Variants in CSMD1 observed in about 807,000 individuals in gnomAD.
CSMD1 encodes the protein CUB and sushi domain-containing protein 1.
In CSMD1, 213 loss-of-function variants were observed where a neutral mutation model predicts 417.5. The observed-to-expected ratio is 0.51, with a 90% CI of 0.46 to 0.57. The LOEUF is 0.57. Ranked by LOEUF, CSMD1 falls within the 20% of genes least tolerant of loss-of-function variation. The probability of loss-of-function intolerance (pLI) is 0.00; values close to 1 mark genes in which losing one functional copy is unlikely to be tolerated. For synonymous variants in CSMD1, 2,862 were observed against 1,736.8 expected, an observed-to-expected ratio of 1.65 and a Z score of -16.11; for missense variants, 6,923 against 4,529.7, an observed-to-expected ratio of 1.53 and a Z score of -15.17.
chr8:4,414,885 G>A (rs1437270942), intron 3 of CSMD1, among the ~76,000 whole-genome samples: 2 of 152,020 alleles, frequency 1.3e-5, no homozygotes, highest in Non-Finnish European at 2.9e-5. Flanking sequence ...GCCATCTACT[G>A]GCTTCCATTA....
intron 3 of CSMD1, among the ~76,000 whole-genome samples, chr8:4,205,375 A>T (rs895015176): frequency 5.9e-5 from 9 of 152,242 alleles, no homozygotes; most frequent in African/African-American, 2.2e-4. Flanking sequence ...AAAAAGTGTG[A>T]ACAATTTTTT....
At chr8:2,942,244 G>T (rs930642623) in intron 69 of CSMD1, among the ~76,000 whole-genome samples, 1 of 151,842 alleles carries the variant, frequency 6.6e-6, no homozygotes, top group African/African-American at 2.4e-5. Context: ...TGAGTGATGG[G>T]TTGATCCATG....
At chr8:4,244,757 G>A (rs1318666670) in intron 3 of CSMD1, among the ~76,000 whole-genome samples, 2 of 152,048 alleles carry the variant, frequency 1.3e-5, no homozygotes, top group Non-Finnish European at 2.9e-5. Flanking sequence ...GAAGAGTTTT[G>A]CTACTTAAAG....
intron 2 of CSMD1, among the ~76,000 whole-genome samples, chr8:4,491,278 C>G (rs1358101048): frequency 6.6e-6 from 1 of 152,026 alleles, no homozygotes; most frequent in Non-Finnish European, 1.5e-5. Context: ...CACGGAAGAT[C>G]CCAAGAGGAG....
intron 5 of CSMD1, among the ~76,000 whole-genome samples, chr8:3,993,347 T>C (rs1345436505): frequency 1.3e-5 from 2 of 152,214 alleles, no homozygotes; most frequent in Non-Finnish European, 2.9e-5. Context: ...AGCATGTTCC[T>C]CTATAATTCT....
chr8:4,584,916 A>G (rs1799623694), intron 2 of CSMD1, among the ~76,000 whole-genome samples: 1 of 152,136 alleles, frequency 6.6e-6, no homozygotes, highest in Non-Finnish European at 1.5e-5. Flanking sequence ...TCAAATTTAG[A>G]CTGGATTAAG....
intron 1 of CSMD1, among the ~76,000 whole-genome samples, chr8:4,905,713 G>A (rs901813337): frequency 2.6e-5 from 4 of 151,344 alleles, no homozygotes; most frequent in Admixed American, 1.3e-4. Flanking sequence ...CCAGCTCCTC[G>A]GGAGGCTGAG....
At chr8:4,110,684 G>GT (rs1801805251) in intron 3 of CSMD1, among the ~76,000 whole-genome samples, 1 of 151,902 alleles carries the variant, frequency 6.6e-6, no homozygotes, top group Non-Finnish European at 1.5e-5. Context: ...CTAAGAAAAT[G>GT]TTTTGCTGCT....
rs943129246 is a variant in CSMD1 at position 4,899,734 on chromosome 8, T to A, written c.85+94598A>T. On this transcript the variant is annotated intron_variant, in intron 1 of 69. Transcript: ENST00000635120. ...CTAATCATATCTCACTGGACCTTTT[T>A]CTTGTGGGAAAAGAAAAAGCTAGAA... 5.9e-5 allele frequency among the ~76,000 whole-genome samples: 9 copies of A among 152,310 alleles called. No individual in the cohort carries two copies. In the East Asian group the frequency reaches 1.4e-3, roughly 23 times the overall value.
At position 3,052,607 on chromosome 8, in the gene CSMD1, T is replaced by G; in HGVS notation, c.7515A>C (p.Ser2505=). Residue 2505 remains serine, a synonymous_variant, in exon 50 of 70, where the codon TCA becomes TCC. Coordinates refer to ENST00000635120, the MANE Select transcript of CSMD1 (RefSeq NM_033225.6). ...CCAAAGTGAACTCGTTCCCGGTAAA[T>G]GAACCGTTTCCTGGGGATTCTGGGA... is the stretch of plus-strand genomic sequence containing the variant. The part of the protein sequence containing the change: ...CGIPESPGNG[S]FTGNEFTLDS... 1.2e-6 allele frequency: 2 copies of G among 1,612,018 alleles called. No individual in the cohort carries two copies. The highest frequency in any genetic ancestry group is 1.7e-6 in the Non-Finnish European group (2 of 1,179,092).
At chr8:3,588,906 CAT>C (rs1362809858) in intron 8 of CSMD1, among the ~76,000 whole-genome samples, 5 of 152,118 alleles carry the variant, frequency 3.3e-5, no homozygotes, top group African/African-American at 1.2e-4. Flanking sequence ...ACCCATGTAA[CAT>C]ATGGGCAAAG....
At chr8:4,507,120 T>C (rs1802570190) in intron 2 of CSMD1, among the ~76,000 whole-genome samples, 1 of 152,182 alleles carries the variant, frequency 6.6e-6, no homozygotes, top group South Asian at 2.1e-4. Flanking sequence ...CTTTGATACA[T>C]TTCATAAGAT....
At chr8:3,561,871 G>A (rs770195895) in intron 10 of CSMD1, among the ~76,000 whole-genome samples, 1 of 152,192 alleles carries the variant, frequency 6.6e-6, no homozygotes, top group Non-Finnish European at 1.5e-5. Context: ...GAAGGCAGGG[G>A]CTAGCATTCA....
intron 3 of CSMD1, among the ~76,000 whole-genome samples, chr8:4,349,816 T>C (rs1349653733): frequency 7.1e-6 from 1 of 140,352 alleles, no homozygotes; most frequent in Non-Finnish European, 1.5e-5. Flanking sequence ...AAATATGATA[T>C]GACCTTTTTT....
intron 2 of CSMD1, among the ~76,000 whole-genome samples, chr8:4,427,064 T>C (rs1797601971): frequency 6.6e-6 from 1 of 151,970 alleles, no homozygotes; most frequent in Non-Finnish European, 1.5e-5. Context: ...CCAGAGAGCT[T>C]GGGAGATCAA....
chr8:3,629,002 A>T (rs1796636268), intron 7 of CSMD1, among the ~76,000 whole-genome samples: 2 of 152,144 alleles, frequency 1.3e-5, no homozygotes, highest in African/African-American at 4.8e-5. Context: ...GGGAAAGAAA[A>T]AGATAAAATA....
chr8:3,303,139 A>T (rs1383958743), intron 25 of CSMD1, among the ~76,000 whole-genome samples: 1 of 152,176 alleles, frequency 6.6e-6, no homozygotes, highest in Non-Finnish European at 1.5e-5. Context: ...AGGAATGGAG[A>T]AATTGGACAT....
At chr8:3,968,710 T>C (rs975567019) in intron 5 of CSMD1, among the ~76,000 whole-genome samples, 1 of 152,170 alleles carries the variant, frequency 6.6e-6, no homozygotes, top group African/African-American at 2.4e-5. Flanking sequence ...ACAGGGTCTG[T>C]GTATTATCTA....
intron 2 of CSMD1, among the ~76,000 whole-genome samples, chr8:4,455,423 G>A (rs1799406916): frequency 1.3e-5 from 2 of 152,192 alleles, no homozygotes; most frequent in East Asian, 1.9e-4. Context: ...ATCATTAGAA[G>A]GCAAATGATG....
Sources: gnomAD v4.1 joint callset for allele counts (sites outside exome capture counted in the v4.1 genomes callset) on GRCh38, gnomAD v4.1.1 for gene constraint, MANE v1.5 for transcripts, NCBI Gene and HGNC (gene_info 2026-07-23, HGNC 2026-07-21) for gene names.